Variants in MUC7 observed in about 807,000 individuals in gnomAD.
MUC7 encodes the protein mucin-7.
A neutral mutation model predicts 2.5 loss-of-function variants in MUC7; 2 were observed. That is an observed-to-expected ratio of 0.81 (90% CI 0.33 to 2.55). The LOEUF (loss-of-function observed/expected upper bound fraction) is 2.55, where lower values mean the gene tolerates loss of function less well. MUC7 is among the 30% of genes most tolerant of loss of function. The pLI is 0.11. For missense variants in MUC7, 408 were observed against 455.6 expected (o/e 0.90, Z 0.95); for synonymous variants, 133 against 173.4 (o/e 0.77, Z 1.83).
upstream of MUC7, among the ~76,000 whole-genome samples, chr4:70,470,722 T>A (rs1734815256): frequency 6.6e-6 from 1 of 152,216 alleles, no homozygotes; most frequent in Non-Finnish European, 1.5e-5. Context: ...TACAGTCAAT[T>A]TTAACTATAA....
chr4:70,467,575 G>T (rs1237776465), upstream of MUC7, among the ~76,000 whole-genome samples: 6 of 152,066 alleles, frequency 3.9e-5, no homozygotes, highest in Non-Finnish European at 1.5e-5. Context: ...TGATAAAAGG[G>T]ATATCACCAC....
At chr4:70,448,986 C>T (rs1003710234) in intron 1 of MUC7, among the ~76,000 whole-genome samples, 2 of 152,184 alleles carry the variant, frequency 1.3e-5, no homozygotes, top group African/African-American at 2.4e-5. Context: ...CATTCTTCTG[C>T]ATATGGATAT....
upstream of MUC7, among the ~76,000 whole-genome samples, chr4:70,471,114 A>AC: frequency 6.6e-6 from 1 of 152,234 alleles, no homozygotes; most frequent in Non-Finnish European, 1.5e-5. Context: ...AAGTGGAATC[A>AC]CACCTTCAAA....
chr4:70,431,584 A>C (rs1263472824), intron 1 of MUC7, among the ~76,000 whole-genome samples: 1 of 152,130 alleles, frequency 6.6e-6, no homozygotes, highest in African/African-American at 2.4e-5. Flanking sequence ...TTATATCACA[A>C]TTCTTTAGGC....
chr4:70,478,753 A>G (rs540837527), intron 2 of MUC7, among the ~76,000 whole-genome samples: 3 of 152,342 alleles, frequency 2.0e-5, no homozygotes, highest in East Asian at 1.9e-4. Context: ...TGCATATTCA[A>G]TCTCCAGGGA....
chr4:70,463,958 G>A (rs577241949), intron 1 of MUC7, among the ~76,000 whole-genome samples: 10 of 152,264 alleles, frequency 6.6e-5, no homozygotes, highest in East Asian at 1.9e-4. Flanking sequence ...ATAGTCATCC[G>A]AAAATAGCCA....
chr4:70,468,865 C>G (rs1734754424), upstream of MUC7, among the ~76,000 whole-genome samples: 1 of 152,108 alleles, frequency 6.6e-6, no homozygotes, highest in African/African-American at 2.4e-5. Context: ...CTATCCCCAC[C>G]AAGCTACCAT....
chr4:70,461,063 C>G (rs560128078), intron 1 of MUC7, among the ~76,000 whole-genome samples: 1 of 152,300 alleles, frequency 6.6e-6, no homozygotes, highest in African/African-American at 2.4e-5. Context: ...ACCCTTTGCT[C>G]TCAATACTGA....
upstream of MUC7, among the ~76,000 whole-genome samples, chr4:70,467,969 G>T (rs1297567478): frequency 6.6e-6 from 1 of 152,072 alleles, no homozygotes; most frequent in East Asian, 1.9e-4. Context: ...GAAAATTTCA[G>T]ACCAATATCC....
upstream of MUC7, among the ~76,000 whole-genome samples, chr4:70,468,136 A>C (rs975021394): frequency 6.6e-6 from 1 of 152,202 alleles, no homozygotes. Context: ...CATCTCATAA[A>C]CAGAACCAAT....
chr4:70,457,377 A>C (rs1015354514), intron 1 of MUC7, among the ~76,000 whole-genome samples: 2 of 152,080 alleles, frequency 1.3e-5, no homozygotes, highest in Non-Finnish European at 2.9e-5. Context: ...CCAGGAGGTT[A>C]AGGTTGCAGT....
chr4:70,441,270 T>C (rs1733998306), intron 1 of MUC7, among the ~76,000 whole-genome samples: 1 of 152,162 alleles, frequency 6.6e-6, no homozygotes, highest in South Asian at 2.1e-4. Flanking sequence ...TATATAAATA[T>C]CTTATCACAT....
intron 1 of MUC7, among the ~76,000 whole-genome samples, chr4:70,434,328 C>T (rs1401583511): frequency 6.6e-6 from 1 of 152,132 alleles, no homozygotes; most frequent in African/African-American, 2.4e-5. Flanking sequence ...TGGTAGAATT[C>T]AGCTGTGAAT....
At chr4:70,434,324 A>C (rs1194092097) in intron 1 of MUC7, among the ~76,000 whole-genome samples, 2 of 152,220 alleles carry the variant, frequency 1.3e-5, no homozygotes, top group African/African-American at 4.8e-5. Flanking sequence ...CCTCTGGTAG[A>C]ATTCAGCTGT....
rs1187002260 is a variant in MUC7, at chr4:70,480,935, A to G, written c.191A>G (p.Lys64Arg). Reference protein sequence around the residue: ...HQKPFIRKSYKCLHKRCRPKL... With the variant: ...HQKPFIRKSYRCLHKRCRPKL... ...AAGCCGTTCATTAGAAAGTCCTATA[A>G]ATGTCTGCACAAACGCTGTAGGCCT... The change falls in exon 3 of 3, where the codon AAA (lysine) becomes AGA (arginine). Residue 64 changes from lysine to arginine, a missense_variant. Transcript: ENST00000304887. The G allele has an allele frequency of 6.2e-7, 1 of 1,613,880 alleles. No individual in the cohort carries two copies. The highest frequency in any genetic ancestry group is 8.5e-7 in the Non-Finnish European group (1 of 1,180,000).
At chr4:70,438,268 A>C (rs895443171) in intron 1 of MUC7, among the ~76,000 whole-genome samples, 1 of 152,192 alleles carries the variant, frequency 6.6e-6, no homozygotes, top group Non-Finnish European at 1.5e-5. Context: ...AGACATTGCA[A>C]TATAATAAAC....
chr4:70,456,850 ATTAT>A (rs1446873275), intron 1 of MUC7, among the ~76,000 whole-genome samples: 1 of 152,196 alleles, frequency 6.6e-6, no homozygotes, highest in Admixed American at 6.5e-5. Context: ...ATTTTATTAT[ATTAT>A]GCAGTTGGGG....
At chr4:70,446,129 C>T (rs374914384) in intron 1 of MUC7, among the ~76,000 whole-genome samples, 15 of 152,152 alleles carry the variant, frequency 9.9e-5, no homozygotes, top group African/African-American at 3.6e-4. Flanking sequence ...AATACAGATC[C>T]AGGCTCTCAA....
At chr4:70,436,311 A>G (rs1733830997) in intron 1 of MUC7, among the ~76,000 whole-genome samples, 1 of 152,122 alleles carries the variant, frequency 6.6e-6, no homozygotes, top group African/African-American at 2.4e-5. Flanking sequence ...ATTTGGTTCC[A>G]TTCTCACCAT....
Sources: gnomAD v4.1 joint callset for allele counts (sites outside exome capture counted in the v4.1 genomes callset) on GRCh38, gnomAD v4.1.1 for gene constraint, MANE v1.5 for transcripts, NCBI Gene and HGNC (gene_info 2026-07-23, HGNC 2026-07-21) for gene names.